LRFN5: variants seen among roughly 807,000 people sequenced by gnomAD.
The protein encoded by LRFN5 is leucine rich repeat and fibronectin type III domain containing 5, also known as leucine-rich repeat and fibronectin type-III domain-containing protein 5.
A neutral mutation model predicts 45.6 loss-of-function variants in LRFN5; 24 were observed. The observed-to-expected ratio is 0.53, with a 90% CI of 0.38 to 0.74. The LOEUF is 0.74. Among genes scored for constraint, LRFN5 ranks in the 30% least tolerant of loss-of-function variants. The probability of loss-of-function intolerance (pLI) is 0.00; values close to 1 mark genes in which losing one functional copy is unlikely to be tolerated. For synonymous variants in LRFN5, 340 were observed against 313.8 expected, an observed-to-expected ratio of 1.08 and a Z score of -0.88; for missense variants, 776 against 861.5, an observed-to-expected ratio of 0.90 and a Z score of 1.24.
intron 2 of LRFN5, among the ~76,000 whole-genome samples, chr14:41,840,044 A>G (rs1888805030): frequency 6.6e-6 from 1 of 152,084 alleles, no homozygotes; most frequent in Non-Finnish European, 1.5e-5. Flanking sequence ...ATTATTTGGA[A>G]GGATAATTTG....
chr14:41,831,947 G>C (rs1326304093), intron 2 of LRFN5, among the ~76,000 whole-genome samples: 4 of 152,034 alleles, frequency 2.6e-5, no homozygotes, highest in Non-Finnish European at 5.9e-5. Context: ...CCTTCTCCTT[G>C]TCCTCACCTA....
chr14:41,845,370 G>C (rs533475077), intron 2 of LRFN5, among the ~76,000 whole-genome samples: 1 of 152,062 alleles, frequency 6.6e-6, no homozygotes, highest in African/African-American at 2.4e-5. Flanking sequence ...TTCATATATA[G>C]TTATACAACC....
At chr14:41,736,123 C>T (rs1884421007) in intron 1 of LRFN5, among the ~76,000 whole-genome samples, 2 of 152,110 alleles carry the variant, frequency 1.3e-5, no homozygotes, top group South Asian at 2.1e-4. Context: ...ATATACCCAG[C>T]AATGGGATCA....
At chr14:41,836,350 C>A (rs183493795) in intron 2 of LRFN5, among the ~76,000 whole-genome samples, 11 of 152,228 alleles carry the variant, frequency 7.2e-5, no homozygotes, top group Non-Finnish European at 1.3e-4. Flanking sequence ...TATTTACCAA[C>A]AAAACAAACT....
chr14:41,702,461 TTTTG>T (rs149110622), intron 1 of LRFN5, among the ~76,000 whole-genome samples: 34,910 of 151,588 alleles, frequency 0.23, 4,212 homozygotes, highest in South Asian at 0.37. Flanking sequence ...GTGGTGAAGG[TTTTG>T]TTTGTTTGTT....
intron 1 of LRFN5, among the ~76,000 whole-genome samples, chr14:41,702,719 C>T (rs1882889423): frequency 6.6e-6 from 1 of 151,676 alleles, no homozygotes; most frequent in African/African-American, 2.4e-5. Flanking sequence ...CCTGCTTGGG[C>T]CTCTCAAAGC....
intron 2 of LRFN5, among the ~76,000 whole-genome samples, chr14:41,779,120 A>G (rs1252064136): frequency 6.6e-6 from 1 of 151,816 alleles, no homozygotes; most frequent in Non-Finnish European, 1.5e-5. Flanking sequence ...TATAGGGTAT[A>G]TATTAGCTGT....
At chr14:41,777,233 A>C (rs1002642683) in intron 2 of LRFN5, among the ~76,000 whole-genome samples, 1 of 151,594 alleles carries the variant, frequency 6.6e-6, no homozygotes, top group Non-Finnish European at 1.5e-5. Flanking sequence ...TTGGTGAAAA[A>C]TTATGTTGTA....
At chr14:41,692,912 TATA>T in intron 1 of LRFN5, among the ~76,000 whole-genome samples, 1 of 152,144 alleles carries the variant, frequency 6.6e-6, no homozygotes, top group African/African-American at 2.4e-5. Flanking sequence ...AGCTTCTCTG[TATA>T]GAGTTATCTA....
intron 1 of LRFN5, among the ~76,000 whole-genome samples, chr14:41,624,451 A>G (rs973076980): frequency 6.6e-6 from 1 of 152,104 alleles, no homozygotes; most frequent in African/African-American, 2.4e-5. Flanking sequence ...TTAAACTAGA[A>G]GGTTAACAGC....
chr14:41,642,797 A>G (rs1226790295), intron 1 of LRFN5, among the ~76,000 whole-genome samples: 1 of 152,114 alleles, frequency 6.6e-6, no homozygotes, highest in Admixed American at 6.6e-5. Context: ...TAACATATTG[A>G]ACTGTAGCGT....
At chr14:41,902,809 T>G (rs1891141863) in intron 5 of LRFN5, among the ~76,000 whole-genome samples, 1 of 151,762 alleles carries the variant, frequency 6.6e-6, no homozygotes, top group Admixed American at 6.6e-5. Flanking sequence ...ACACCTTTTT[T>G]GTGTCAAAGG....
chr14:41,671,617 G>GTTTTTTTTTTTTTTTTTTTTTTTT lies in LRFN5; in HGVS notation c.-197+63075_-197+63076insTTTTTTTTTTTTTTTTTTTTTTTT, dbSNP rs914212982. On this transcript the variant is annotated intron_variant, in intron 1 of 5. Transcript: ENST00000298119. ...TGTGGAGGAGAGATTTTTTTTTTTC[G>GTTTTTTTTTTTTTTTTTTTTTTTT]TTTTTTTTTTTTTTTTTTTTACGGA... 9.5e-4 allele frequency among the ~76,000 whole-genome samples: 74 copies of GTTTTTTTTTTTTTTTTTTTTTTTT among 78,022 alleles called. 9 individuals are homozygous for GTTTTTTTTTTTTTTTTTTTTTTTT. The highest frequency in any genetic ancestry group is 1.2e-3 in the Non-Finnish European group (52 of 43,610). The allele number at this position is 78,022 out of a possible 152,430, so 51.2% of individuals were successfully genotyped here.
intron 2 of LRFN5, among the ~76,000 whole-genome samples, chr14:41,796,645 A>G (rs1887141790): frequency 6.6e-6 from 1 of 151,968 alleles, no homozygotes; most frequent in Admixed American, 6.6e-5. Context: ...GGGTCACTTT[A>G]TTAGGCATTA....
intron 4 of LRFN5, chr14:41,894,358 CAT>C (rs1890872782): frequency 4.7e-6 from 4 of 857,260 alleles, no homozygotes; most frequent in Non-Finnish European, 5.6e-6. Context: ...CATATTTAAT[CAT>C]ATGAGATTTA....
chr14:41,756,317 C>A (rs568040049), intron 1 of LRFN5, among the ~76,000 whole-genome samples: 1 of 152,128 alleles, frequency 6.6e-6, no homozygotes, highest in African/African-American at 2.4e-5. Context: ...TGGTCTGCCT[C>A]GCTAGATTGG....
At chr14:41,831,425 A>G (rs1244962335) in intron 2 of LRFN5, among the ~76,000 whole-genome samples, 1 of 152,210 alleles carries the variant, frequency 6.6e-6, no homozygotes, top group Non-Finnish European at 1.5e-5. Flanking sequence ...CACTATACAC[A>G]TATATACATG....
At chr14:41,819,549 C>T (rs547744456) in intron 2 of LRFN5, among the ~76,000 whole-genome samples, 1 of 152,206 alleles carries the variant, frequency 6.6e-6, no homozygotes, top group South Asian at 2.1e-4. Context: ...TAATTGGTCA[C>T]AGTTCTGCAG....
At chr14:41,753,203 G>A (rs1272074804) in intron 1 of LRFN5, among the ~76,000 whole-genome samples, 1 of 150,172 alleles carries the variant, frequency 6.7e-6, no homozygotes, top group Non-Finnish European at 1.5e-5. Context: ...GTAGCATGAT[G>A]CCTCCAGCTT....
Sources: allele counts gnomAD v4.1 joint callset (sites outside exome capture counted in the v4.1 genomes callset), GRCh38; gene constraint gnomAD v4.1.1; transcripts MANE v1.5; gene names NCBI Gene and HGNC (gene_info 2026-07-23, HGNC 2026-07-21).